Variants in CACNA2D2 observed in about 807,000 individuals in gnomAD.
CACNA2D2 encodes voltage-dependent calcium channel subunit alpha-2/delta-2.
CACNA2D2 carries 48 observed loss-of-function variants against 166.4 expected under a neutral mutation model. The observed-to-expected ratio is 0.29, with a 90% CI of 0.23 to 0.37. The LOEUF (loss-of-function observed/expected upper bound fraction) is 0.37, where lower values mean the gene tolerates loss of function less well. CACNA2D2 is among the 10% of genes least tolerant of loss of function. The probability of loss-of-function intolerance (pLI) is 1.00; values close to 1 mark genes in which losing one functional copy is unlikely to be tolerated. For synonymous variants in CACNA2D2, 561 were observed against 573.7 expected (o/e 0.98, Z 0.32); for missense variants, 1,122 against 1,433.0 (o/e 0.78, Z 3.50).
At chr3:50,441,209 C>G (rs1708581113) in intron 2 of CACNA2D2, among the ~76,000 whole-genome samples, 1 of 152,074 alleles carries the variant, frequency 6.6e-6, no homozygotes, top group Admixed American at 6.5e-5. Flanking sequence ...CCTCAAGAGG[C>G]AACTTCTAGG....
chr3:50,457,806 A>C (rs1489774173), intron 2 of CACNA2D2, among the ~76,000 whole-genome samples: 1 of 152,186 alleles, frequency 6.6e-6, no homozygotes, highest in African/African-American at 2.4e-5. Context: ...GATTCTTCTC[A>C]CAGTCCACCC....
In CACNA2D2 at chr3:50,367,338, A is replaced by G. The variant is rs761234224; in HGVS notation, c.2401+56T>C. 7 of 1,497,814 alleles carry G rather than the reference A, an allele frequency of 4.7e-6. No individual in the cohort carries two copies. The highest frequency in any genetic ancestry group is 6.5e-6 in the Non-Finnish European group (7 of 1,078,552). 92.8% of individuals were successfully genotyped at this position (1,497,814 alleles called of 1,614,324 possible). A position where few individuals can be genotyped will look rare whatever the true frequency, so the allele number is the denominator to read the frequency against. On this transcript the variant is annotated intron_variant, in intron 27 of 37. Coordinates refer to ENST00000424201, the MANE Select transcript of CACNA2D2 (RefSeq NM_006030.4). The surrounding 1 kb of genome is among the most constrained non-coding windows in gnomAD (Gnocchi z 6.5). ...CAGCAGAGCCCAGTTCTGGCTGAGC[A>G]GACAGGGAAGCTGAGGCTCCCTGCC...
intron 1 of CACNA2D2, among the ~76,000 whole-genome samples, chr3:50,482,310 TG>T (rs1221583433): frequency 6.6e-6 from 1 of 152,182 alleles, no homozygotes; most frequent in Non-Finnish European, 1.5e-5. Context: ...CCACCTTCCC[TG>T]GGGAGTCCTC....
chr3:50,438,179 G>A (rs1395954914), intron 2 of CACNA2D2, among the ~76,000 whole-genome samples: 1 of 152,298 alleles, frequency 6.6e-6, no homozygotes, highest in Non-Finnish European at 1.5e-5. Flanking sequence ...GACAATTCAG[G>A]AGTCTGTTTG....
At chr3:50,402,362 A>T (rs1706488384) in intron 3 of CACNA2D2, among the ~76,000 whole-genome samples, 1 of 152,168 alleles carries the variant, frequency 6.6e-6, no homozygotes, top group Non-Finnish European at 1.5e-5. Flanking sequence ...ACTCAGGAGG[A>T]CGTGTGGGTG....
At chr3:50,395,067 T>G (rs1706081062) in intron 3 of CACNA2D2, among the ~76,000 whole-genome samples, 1 of 152,118 alleles carries the variant, frequency 6.6e-6, no homozygotes. Flanking sequence ...ACAGGAAACC[T>G]TGGGGCTCCC....
intron 2 of CACNA2D2, among the ~76,000 whole-genome samples, chr3:50,465,510 G>A (rs1401878958): frequency 6.6e-6 from 1 of 152,150 alleles, no homozygotes; most frequent in Non-Finnish European, 1.5e-5. Flanking sequence ...ATCAAACCCA[G>A]ACTCTAAGAC....
chr3:50,377,410 A>G, intron 17 of CACNA2D2, 57 bp downstream of exon 17: 1 of 1,416,926 alleles, frequency 7.1e-7, no homozygotes. Context: ...TTCTCTGCTG[A>G]GCCTGCCTGT....
chr3:50,423,532 T>C (rs1345398826), intron 3 of CACNA2D2, among the ~76,000 whole-genome samples: 1 of 152,204 alleles, frequency 6.6e-6, no homozygotes, highest in East Asian at 1.9e-4. Context: ...GGGATGAATA[T>C]GTGAATCAAG....
At chr3:50,445,601 C>T (rs997214731) in intron 2 of CACNA2D2, among the ~76,000 whole-genome samples, 3 of 152,122 alleles carry the variant, frequency 2.0e-5, no homozygotes, top group Non-Finnish European at 2.9e-5. Flanking sequence ...AATAAATAAA[C>T]AAACAGGACC....
In CACNA2D2 at chr3:50,380,711, G is replaced by A; in HGVS notation, c.842+37C>T. ...GCAGGCAGGAAAGGTGGGGAACTGA[G>A]GGGGTGTCCCTCCCCAGCCCCTTCT... On this transcript the variant is annotated intron_variant, in intron 8 of 37. Coordinates refer to ENST00000424201, the MANE Select transcript of CACNA2D2 (RefSeq NM_006030.4). This position sits in a 1 kb window ranked among gnomAD's most constrained non-coding sequence, Gnocchi z 4.9. 6.9e-7 allele frequency: 1 copy of A among 1,454,416 alleles called. No individual in the cohort carries two copies. The highest frequency in any genetic ancestry group is 2.5e-5 in the East Asian group (1 of 39,308). The allele number at this position is 1,454,416 out of a possible 1,614,324, so 90.1% of individuals were successfully genotyped here.
chr3:50,431,987 A>AAAG (rs1708087345), intron 3 of CACNA2D2, among the ~76,000 whole-genome samples: 2 of 151,446 alleles, frequency 1.3e-5, no homozygotes, highest in African/African-American at 4.9e-5. Context: ...TCTCAAAAAA[A>AAAG]AAAAAAAAAA....
At chr3:50,425,895 G>A (rs1458751831) in intron 3 of CACNA2D2, among the ~76,000 whole-genome samples, 1 of 152,134 alleles carries the variant, frequency 6.6e-6, no homozygotes, top group African/African-American at 2.4e-5. Context: ...GGAAACTCGG[G>A]GCAACAGCTC....
chr3:50,385,242 G>T (rs1705531688), intron 5 of CACNA2D2, among the ~76,000 whole-genome samples: 1 of 152,290 alleles, frequency 6.6e-6, no homozygotes, highest in East Asian at 1.9e-4. Flanking sequence ...AAGCCAGACT[G>T]GGGAGGCAAG....
Position 50,364,182 on chromosome 3 carries a change from A to C in CACNA2D2, c.*484T>G, listed in dbSNP as rs762119282. On this transcript the variant is annotated 3_prime_UTR_variant, in exon 38 of 38. Coordinates refer to ENST00000424201, the MANE Select transcript of CACNA2D2 (RefSeq NM_006030.4). ...CAGGAGCCCATGGGGGCTGCCCCAG[A>C]GCCTCTCTCCTGCTAGGATTTAAGC... 1.8e-5 allele frequency: 3 copies of C among 163,044 alleles called. No homozygotes were observed. Among genetic ancestry groups the C allele is most frequent in the Non-Finnish European group, 4.0e-5 (3 of 75,306 alleles). 10.1% of individuals were successfully genotyped at this position (163,044 alleles called of 1,614,324 possible).
chr3:50,369,317 G>C (rs1704524113), intron 23 of CACNA2D2, among the ~76,000 whole-genome samples: 1 of 152,244 alleles, frequency 6.6e-6, no homozygotes, highest in African/African-American at 2.4e-5. Flanking sequence ...CACAGACACA[G>C]AGATGACAAA....
intron 2 of CACNA2D2, among the ~76,000 whole-genome samples, chr3:50,456,435 G>A (rs1709363532): frequency 6.6e-6 from 1 of 152,206 alleles, no homozygotes; most frequent in South Asian, 2.1e-4. Flanking sequence ...CCAACATTGT[G>A]ACTTCACAAT....
At position 50,384,257 on chromosome 3, in the gene CACNA2D2, G is replaced by A; in HGVS notation, c.591C>T (p.Phe197=). ...LRLDFIEDPN[F]KNKVNYSYAA... ...CGTATGAATAGTTGACCTTGTTCTT[G>A]AAGTTTGGGTCCTCGATGAAGTCCA... Residue 197 remains phenylalanine, a synonymous_variant, in exon 6 of 38, where the codon TTC becomes TTT. Coordinates refer to ENST00000424201, the MANE Select transcript of CACNA2D2 (RefSeq NM_006030.4). 1 of 1,614,210 alleles carries A rather than the reference G, an allele frequency of 6.2e-7. No individual in the cohort carries two copies. Among genetic ancestry groups the A allele is most frequent in the Non-Finnish European group, 8.5e-7 (1 of 1,180,022 alleles).
At chr3:50,368,443 T>C (rs1704471343) in intron 23 of CACNA2D2, among the ~76,000 whole-genome samples, 1 of 152,148 alleles carries the variant, frequency 6.6e-6, no homozygotes, top group Admixed American at 6.5e-5. Context: ...AATGAGGGTC[T>C]ACTTTCTCCA....
Sources: allele counts gnomAD v4.1 joint callset (sites outside exome capture counted in the v4.1 genomes callset), GRCh38; gene constraint gnomAD v4.1.1; non-coding constraint Gnocchi (gnomAD v3.1); transcripts MANE v1.5; gene names NCBI Gene and HGNC (gene_info 2026-07-23, HGNC 2026-07-21).